The following CCNY variants were observed in gnomAD, a reference collection of about 807,000 sequenced individuals.
CCNY encodes the protein cyclin-Y.
In CCNY, 19 loss-of-function variants were observed where a neutral mutation model predicts 42.8. The ratio of observed to expected loss-of-function variants is 0.44; its 90% CI spans 0.31 to 0.65. The LOEUF is 0.65. Among genes scored for constraint, CCNY ranks in the 30% least tolerant of loss-of-function variants. The pLI is 0.07. For synonymous variants in CCNY, 165 were observed against 162.7 expected, an observed-to-expected ratio of 1.01 and a Z score of -0.11; for missense variants, 370 against 437.3, an observed-to-expected ratio of 0.85 and a Z score of 1.37.
At chr10:35,345,554 A>T (rs1163895562) in intron 1 of CCNY, among the ~76,000 whole-genome samples, 1 of 152,150 alleles carries the variant, frequency 6.6e-6, no homozygotes, top group African/African-American at 2.4e-5. Context: ...AAAAGCCACA[A>T]AGTACTAGAT....
chr10:35,520,004 A>G (rs1018667803), intron 4 of CCNY, among the ~76,000 whole-genome samples: 1 of 151,898 alleles, frequency 6.6e-6, no homozygotes, highest in Non-Finnish European at 1.5e-5. Context: ...GGCTCAAGCA[A>G]TCTACCCACC....
intron 3 of CCNY, among the ~76,000 whole-genome samples, chr10:35,262,250 T>C (rs1589004891): frequency 2.2e-5 from 2 of 90,570 alleles, no homozygotes; most frequent in Admixed American, 1.4e-4. Context: ...CAACAGAAAC[T>C]CTGTCTCAAA....
chr10:35,444,023 C>T (rs181642963), intron 1 of CCNY, among the ~76,000 whole-genome samples: 40 of 152,314 alleles, frequency 2.6e-4, no homozygotes, highest in Admixed American at 1.6e-3. Context: ...TCTGGCAAAA[C>T]TGCTAGCGAG....
At chr10:35,304,079 G>T (rs376324461) in intron 3 of CCNY, among the ~76,000 whole-genome samples, 5 of 152,178 alleles carry the variant, frequency 3.3e-5, no homozygotes, top group African/African-American at 1.2e-4. Context: ...TCCTGCACCC[G>T]TGAATGGGCT....
intron 3 of CCNY, among the ~76,000 whole-genome samples, chr10:35,508,193 G>GT (rs1366136126): frequency 1.3e-5 from 2 of 152,000 alleles, no homozygotes; most frequent in Non-Finnish European, 2.9e-5. Flanking sequence ...CTCTCCCTTT[G>GT]TCAGTAGGTG....
chr10:35,318,794 A>T (rs1176286770), intron 3 of CCNY, among the ~76,000 whole-genome samples: 1 of 152,214 alleles, frequency 6.6e-6, no homozygotes, highest in East Asian at 1.9e-4. Context: ...AATTAAACCA[A>T]TGTAAACCAA....
rs34429228 is a variant in CCNY at position 35,419,533 on chromosome 10, C to CTTTTTTTTT, written c.155-63864_155-63856dup. On this transcript the variant is annotated intron_variant, in intron 1 of 9. Coordinates refer to ENST00000374704, the MANE Select transcript of CCNY (RefSeq NM_145012.6). ...AGGACTGGGTTGCATTAGACCGTTC[C>CTTTTTTTTT]TTTTTTTTTTTTTTTAGCAATCTGG... Among the ~76,000 whole-genome samples the CTTTTTTTTT allele has an allele frequency of 2.6e-3, 337 of 129,646 alleles. 20 individuals carry two copies. The highest frequency in any genetic ancestry group is 8.2e-3 in the African/African-American group (260 of 31,694). The allele number at this position is 129,646 out of a possible 152,430, so 85.1% of individuals were successfully genotyped here. A position where few individuals can be genotyped will look rare whatever the true frequency, so the allele number is the denominator to read the frequency against.
rs536800901 is a variant in CCNY, at chr10:35,510,329, C to T, written c.265-6194C>T. ...TCCTGGGCCCAACCGATCTTCCTGC[C>T]TCAGCCTCCTGGGTAGCTGGCACCA... On this transcript the variant is annotated intron_variant, in intron 3 of 9. Transcript: ENST00000374704. 3.2e-4 allele frequency among the ~76,000 whole-genome samples: 49 copies of T among 152,276 alleles called. No individual in the cohort carries two copies. The South Asian group carries it at 9.9e-3, about 31-fold the overall frequency.
rs373216165 is a variant in CCNY at position 35,404,757 on chromosome 10, C to T, written c.154+67550C>T. Among the ~76,000 whole-genome samples the T allele has an allele frequency of 3.5e-4, 53 of 152,204 alleles. 1 individual carries two copies. Among genetic ancestry groups the T allele is most frequent in the African/African-American group, 1.3e-3 (53 of 41,518 alleles). ...GTTGGGGTTTGGGAGATTAGTTGGA[C>T]ACAATCAGCAGGGAGAACACGTATG... On this transcript the variant is annotated intron_variant, in intron 1 of 9. Transcript: ENST00000374704.
At chr10:35,305,768 T>C (rs1835598704) in intron 3 of CCNY, among the ~76,000 whole-genome samples, 1 of 152,198 alleles carries the variant, frequency 6.6e-6, no homozygotes, top group African/African-American at 2.4e-5. Context: ...GTGCCCTTTG[T>C]ACTGACAATG....
chr10:35,334,471 T>C (rs1279139667), upstream of CCNY, among the ~76,000 whole-genome samples: 1 of 152,088 alleles, frequency 6.6e-6, no homozygotes, highest in African/African-American at 2.4e-5. Context: ...CCAGACAATC[T>C]GAATACACAC....
At chr10:35,256,561 A>G (rs911589303) in intron 3 of CCNY, among the ~76,000 whole-genome samples, 1 of 151,892 alleles carries the variant, frequency 6.6e-6, no homozygotes, top group Non-Finnish European at 1.5e-5. Flanking sequence ...GTGAAACCCC[A>G]TCTCTACTAA....
intron 3 of CCNY, among the ~76,000 whole-genome samples, chr10:35,303,798 AAAG>A (rs1835568577): frequency 6.6e-6 from 1 of 150,774 alleles, no homozygotes; most frequent in South Asian, 2.1e-4. Flanking sequence ...AAAAAAAAAA[AAAG>A]AGGGAAGGAA....
Position 35,540,668 on chromosome 10 carries a change from G to A in CCNY, c.579+10425G>A, listed in dbSNP as rs1388867482. On this transcript the variant is annotated intron_variant, in intron 7 of 9. Coordinates refer to ENST00000374704, the MANE Select transcript of CCNY (RefSeq NM_145012.6). Reference sequence around the variant, plus strand: ...TGGTCAGGGTTTTTCTCTGTTGGAAGTTTCTACATTACTAATCAGTCTCTT... The same window carrying A: ...TGGTCAGGGTTTTTCTCTGTTGGAAATTTCTACATTACTAATCAGTCTCTT... Among the ~76,000 whole-genome samples, 3 of 151,960 alleles carry A rather than the reference G, an allele frequency of 2.0e-5. No individual in the cohort carries two copies. The East Asian group carries it at 5.8e-4, about 29-fold the overall frequency.
intron 2 of CCNY, among the ~76,000 whole-genome samples, chr10:35,497,810 A>G (rs986606554): frequency 3.3e-5 from 5 of 151,596 alleles, no homozygotes; most frequent in African/African-American, 1.2e-4. Flanking sequence ...AGCTTAGGGG[A>G]AAAGGAGTAA....
At chr10:35,568,570 A>T (rs532042897) in intron 9 of CCNY, among the ~76,000 whole-genome samples, 9 of 152,300 alleles carry the variant, frequency 5.9e-5, no homozygotes, top group African/African-American at 1.9e-4. Context: ...TTTTCTGTGG[A>T]GTCCCTAGCT....
intron 1 of CCNY, among the ~76,000 whole-genome samples, chr10:35,435,046 C>T (rs1014357359): frequency 6.6e-6 from 1 of 152,170 alleles, no homozygotes; most frequent in Admixed American, 6.5e-5. Flanking sequence ...CCCAAAGCCC[C>T]CCTGCCTTGC....
chr10:35,540,594 T>C (rs1840979991), intron 7 of CCNY, among the ~76,000 whole-genome samples: 1 of 151,748 alleles, frequency 6.6e-6, no homozygotes, highest in Non-Finnish European at 1.5e-5. Context: ...TTGTGGAAGG[T>C]TGGTATTCTC....
chr10:35,551,403 C>T (rs1421544830), intron 7 of CCNY, among the ~76,000 whole-genome samples: 1 of 152,222 alleles, frequency 6.6e-6, no homozygotes, highest in Non-Finnish European at 1.5e-5. Context: ...TTCCTTTCCA[C>T]ATGTACCTTT....
Sources: allele counts gnomAD v4.1 joint callset (sites outside exome capture counted in the v4.1 genomes callset), GRCh38; gene constraint gnomAD v4.1.1; transcripts MANE v1.5; gene names NCBI Gene and HGNC (gene_info 2026-07-23, HGNC 2026-07-21).